Variants in TENM4 observed in about 807,000 individuals in gnomAD.
TENM4 encodes the protein teneurin-4.
Under a neutral mutation model 243.3 loss-of-function variants are expected in TENM4, and 82 were observed. That is an observed-to-expected ratio of 0.34 (90% CI 0.28 to 0.40). The LOEUF is 0.40. TENM4 is among the 10% of genes least tolerant of loss of function. The probability of loss-of-function intolerance (pLI) is 1.00; values close to 1 mark genes in which losing one functional copy is unlikely to be tolerated. For synonymous variants in TENM4, 1,412 were observed against 1,456.3 expected, an observed-to-expected ratio of 0.97 and a Z score of 0.69; for missense variants, 3,138 against 3,673.3, an observed-to-expected ratio of 0.85 and a Z score of 3.77.
At chr11:79,349,513 T>C (rs1857380934) in intron 1 of TENM4, among the ~76,000 whole-genome samples, 1 of 152,192 alleles carries the variant, frequency 6.6e-6, no homozygotes, top group Non-Finnish European at 1.5e-5. Flanking sequence ...CGTTCATAAA[T>C]ACATATTTAG....
intron 19 of TENM4, among the ~76,000 whole-genome samples, chr11:78,743,381 G>C (rs921974774): frequency 2.6e-5 from 4 of 152,228 alleles, no homozygotes; most frequent in Non-Finnish European, 5.9e-5. Flanking sequence ...TCATTTCTGA[G>C]TGGGGAAAAG....
At chr11:78,834,219 T>C (rs1462687155) in intron 12 of TENM4, among the ~76,000 whole-genome samples, 1 of 152,206 alleles carries the variant, frequency 6.6e-6, no homozygotes, top group Non-Finnish European at 1.5e-5. Context: ...GTGCTCTCCT[T>C]TTCTCTGATC....
intron 3 of TENM4, among the ~76,000 whole-genome samples, chr11:79,164,243 A>AAAGTATATATAGTATATAGATATAC: frequency 2.0e-5 from 1 of 50,980 alleles, no homozygotes; most frequent in African/African-American, 6.9e-5. Flanking sequence ...TACAGTATAT[A>AAAGTATATATAGTATATAGATATAC]TAGTATATAT....
intron 11 of TENM4, 51 bp from the exon 12 acceptor site, chr11:78,854,365 C>G (rs185349543): frequency 7.0e-7 from 1 of 1,422,010 alleles, no homozygotes; most frequent in African/African-American, 1.4e-5. Context: ...CACCACGCAC[C>G]AGCGTCCTTC....
intron 3 of TENM4, among the ~76,000 whole-genome samples, chr11:79,170,864 GA>G (rs1863024968): frequency 6.6e-6 from 1 of 152,136 alleles, no homozygotes; most frequent in Non-Finnish European, 1.5e-5. Flanking sequence ...TTTTATGCGG[GA>G]GAGGATTGTA....
At chr11:78,876,302 G>A (rs1260485233) in intron 9 of TENM4, among the ~76,000 whole-genome samples, 1 of 152,200 alleles carries the variant, frequency 6.6e-6, no homozygotes, top group African/African-American at 2.4e-5. Context: ...GTGTCTACCA[G>A]CACTTGTGAT....
chr11:79,428,451 T>C (rs1346881818), intron 1 of TENM4, among the ~76,000 whole-genome samples: 1 of 152,200 alleles, frequency 6.6e-6, no homozygotes, highest in Non-Finnish European at 1.5e-5. Flanking sequence ...CTGATAAGCA[T>C]TTTATAGGAT....
At chr11:79,316,626 C>A (rs1003274957) in intron 1 of TENM4, among the ~76,000 whole-genome samples, 1 of 152,222 alleles carries the variant, frequency 6.6e-6, no homozygotes, top group East Asian at 1.9e-4. Flanking sequence ...TTATATGTTT[C>A]GATGTATGTT....
At chr11:78,848,497 C>A (rs181960577) in intron 12 of TENM4, among the ~76,000 whole-genome samples, 1 of 152,236 alleles carries the variant, frequency 6.6e-6, no homozygotes, top group Non-Finnish European at 1.5e-5. Context: ...TTCCTTAACA[C>A]CTGCCCTCCC....
At chr11:78,986,042 T>C (rs1857910986) in intron 6 of TENM4, among the ~76,000 whole-genome samples, 1 of 152,352 alleles carries the variant, frequency 6.6e-6, no homozygotes, top group African/African-American at 2.4e-5. Context: ...CTTTAGAACA[T>C]TGATTTTCAT....
chr11:79,197,644 G>A (rs1057311012), intron 3 of TENM4, among the ~76,000 whole-genome samples: 6 of 152,078 alleles, frequency 3.9e-5, no homozygotes, highest in African/African-American at 7.2e-5. Flanking sequence ...TTATTTTGAT[G>A]TTCAGGGCAT....
intron 2 of TENM4, among the ~76,000 whole-genome samples, chr11:79,258,951 A>G (rs1855746180): frequency 2.0e-5 from 3 of 152,098 alleles, no homozygotes. Context: ...CCCCCCACCT[A>G]CTAGCTGTAT....
chr11:79,157,882 T>C (rs1862656689), intron 3 of TENM4, among the ~76,000 whole-genome samples: 1 of 152,220 alleles, frequency 6.6e-6, no homozygotes. Flanking sequence ...AACCAGCAAA[T>C]GCTCAGGAAA....
At chr11:78,881,425 C>T (rs192080336) in intron 9 of TENM4, among the ~76,000 whole-genome samples, 16 of 152,236 alleles carry the variant, frequency 1.1e-4, no homozygotes, top group Non-Finnish European at 1.5e-4. Context: ...TTCTCCGGCT[C>T]CCTCACCGCC....
chr11:79,238,525 A>G (rs1392579768), intron 2 of TENM4, among the ~76,000 whole-genome samples: 1 of 152,124 alleles, frequency 6.6e-6, no homozygotes, highest in East Asian at 1.9e-4. Context: ...ACTGGGACAT[A>G]TTACACTGGC....
chr11:79,334,012 C>T (rs983800725), intron 1 of TENM4, among the ~76,000 whole-genome samples: 2 of 152,178 alleles, frequency 1.3e-5, no homozygotes. Flanking sequence ...ACACATTCTG[C>T]CTTTTCTAGC....
intron 19 of TENM4, among the ~76,000 whole-genome samples, chr11:78,754,148 A>G (rs567900429): frequency 3.5e-4 from 54 of 152,346 alleles, no homozygotes; most frequent in South Asian, 3.5e-3. Flanking sequence ...ACAGGGGTTG[A>G]CAGACATTTA....
chr11:79,051,902 T>C (rs778228163), intron 6 of TENM4, among the ~76,000 whole-genome samples: 13 of 152,248 alleles, frequency 8.5e-5, no homozygotes, highest in Non-Finnish European at 1.9e-4. Flanking sequence ...GTTAGTTTGC[T>C]AAGGATGATG....
At chr11:79,068,162 T>G (rs1346166427) in intron 5 of TENM4, 1 of 152,176 alleles carries the variant, frequency 6.6e-6, no homozygotes. Flanking sequence ...TTCTCTTCAG[T>G]GAGATCCAGA....
Sources: allele counts gnomAD v4.1 joint callset (sites outside exome capture counted in the v4.1 genomes callset), GRCh38; gene constraint gnomAD v4.1.1; transcripts MANE v1.5; gene names NCBI Gene and HGNC (gene_info 2026-07-23, HGNC 2026-07-21).